The following HOOK3 variants were observed in gnomAD, a reference collection of about 807,000 sequenced individuals.
The protein encoded by HOOK3 is protein Hook homolog 3.
Under a neutral mutation model 116.3 loss-of-function variants are expected in HOOK3, and 24 were observed. The ratio of observed to expected loss-of-function variants is 0.21; its 90% CI spans 0.15 to 0.29. The LOEUF (loss-of-function observed/expected upper bound fraction) is 0.29. Among genes scored for constraint, HOOK3 ranks in the 10% least tolerant of loss-of-function variants. The pLI is 1.00. For missense variants in HOOK3, 632 were observed against 830.2 expected, an observed-to-expected ratio of 0.76 and a Z score of 2.93; for synonymous variants, 275 against 283.0, an observed-to-expected ratio of 0.97 and a Z score of 0.28.
At chr8:42,931,739 C>A (rs753540417) in intron 4 of HOOK3, among the ~76,000 whole-genome samples, 1 of 151,408 alleles carries the variant, frequency 6.6e-6, no homozygotes, top group African/African-American at 2.4e-5. Context: ...CCCTTCCCTT[C>A]CCTCTTCCCT....
chr8:42,939,880 C>T lies in HOOK3; in HGVS notation c.268-3433C>T, dbSNP rs531279452. Reference sequence around the variant, plus strand: ...GCAGAGGCGCTCCCCACATCTCAGACGATGGGCGGCCGGGCAGAGACACTC... The same window carrying T: ...GCAGAGGCGCTCCCCACATCTCAGATGATGGGCGGCCGGGCAGAGACACTC... On this transcript the variant is annotated intron_variant, in intron 4 of 21. Transcript: ENST00000307602. Among the ~76,000 whole-genome samples the T allele has an allele frequency of 2.3e-4, 33 of 146,382 alleles. No individual in the cohort carries two copies. In the East Asian group the frequency reaches 3.4e-3, roughly 15 times the overall value.
chr8:42,903,205 A>C (rs1042387577), intron 1 of HOOK3, among the ~76,000 whole-genome samples: 1 of 152,110 alleles, frequency 6.6e-6, no homozygotes, highest in African/African-American at 2.4e-5. Flanking sequence ...TCCCAAATAG[A>C]CACTTAAGTA....
chr8:43,006,270 T>C (rs1186222738), intron 17 of HOOK3, among the ~76,000 whole-genome samples: 3 of 151,624 alleles, frequency 2.0e-5, no homozygotes, highest in Non-Finnish European at 4.4e-5. Flanking sequence ...TCCGCCTGCC[T>C]CAGCCTCCCA....
At chr8:42,979,960 CTTTTCTTTTTT>C (rs926630560) in intron 13 of HOOK3, among the ~76,000 whole-genome samples, 13 of 148,414 alleles carry the variant, frequency 8.8e-5, no homozygotes, top group Non-Finnish European at 1.9e-4. Context: ...TTTTCTTTTT[CTTTTCTTTTTT>C]TTTTTTTTTG....
intron 15 of HOOK3, among the ~76,000 whole-genome samples, chr8:42,995,060 A>G: frequency 6.6e-6 from 1 of 152,110 alleles, no homozygotes; most frequent in East Asian, 1.9e-4. Context: ...TTGAATGTGG[A>G]TTTTTCAGGT....
chr8:42,964,138 C>T (rs541337581), intron 8 of HOOK3, among the ~76,000 whole-genome samples, 173 bp from the exon 9 acceptor site: 3 of 152,240 alleles, frequency 2.0e-5, no homozygotes, highest in East Asian at 3.9e-4. Context: ...ACCCAGGAGG[C>T]GGAGCTTTCA....
rs892063110 is a variant in HOOK3 at position 42,971,001 on chromosome 8, G to A, written c.1123-2288G>A. Among the ~76,000 whole-genome samples the A allele has an allele frequency of 4.6e-5, 7 of 151,920 alleles. No homozygotes were observed. In the East Asian group the frequency reaches 5.8e-4, roughly 13 times the overall value. On this transcript the variant is annotated intron_variant, in intron 11 of 21. Coordinates refer to ENST00000307602, the MANE Select transcript of HOOK3 (RefSeq NM_032410.4). ...GGGGTTTCTCCATGTTGCCCAGGCC[G>A]GTCTCAAATACCTGGGCTCAAGACA...
chr8:42,944,254 GA>G (rs1164973244), intron 5 of HOOK3, among the ~76,000 whole-genome samples: 49 of 140,332 alleles, frequency 3.5e-4, no homozygotes, highest in Middle Eastern at 3.8e-3. Context: ...ATCTCTACCA[GA>G]AAAAAAAAAA....
At chr8:42,943,182 G>T in intron 4 of HOOK3, 131 bp from the exon 5 acceptor site, 3 of 450,032 alleles carry the variant, frequency 6.7e-6, no homozygotes, top group Non-Finnish European at 1.1e-5. Context: ...AATAGAAATT[G>T]GGAGTGAAAT....
intron 15 of HOOK3, among the ~76,000 whole-genome samples, chr8:42,994,872 A>G (rs1809234717): frequency 1.3e-5 from 2 of 152,250 alleles, no homozygotes; most frequent in South Asian, 4.1e-4. Context: ...TATGATGTTT[A>G]CAATGGCTTC....
rs1809974607 is a variant in HOOK3 at position 43,028,581 on chromosome 8, C to CT, written c.*10085dup. 1 of 188,280 alleles carries CT rather than the reference C, an allele frequency of 5.3e-6. No homozygotes were observed. The highest frequency in any genetic ancestry group is 6.2e-5 in the Admixed American group (1 of 16,156). 11.7% of individuals were successfully genotyped at this position (188,280 alleles called of 1,614,324 possible). A position where few individuals can be genotyped will look rare whatever the true frequency, so the allele number is the denominator to read the frequency against. On this transcript the variant is annotated 3_prime_UTR_variant, in exon 22 of 22. Coordinates refer to ENST00000307602, the MANE Select transcript of HOOK3 (RefSeq NM_032410.4). ...ATCAAGATGCAAACAATTTTTTTAT[C>CT]TTCATAACTTCCTGCTCTTATTAAC...
In HOOK3 at chr8:42,943,445, G is replaced by A; in HGVS notation, c.400G>A (p.Glu134Lys). ...TGCTGTGAACTGTGAACAGAAGCAA[G>A]GTAATTTGTTTCAAGTTAGTGTTTG... ...GCAVNCEQKQ[E>K]YIQAIMMMEE... The change falls in exon 5 of 22, where the codon GAG becomes AAG. Residue 134 changes from glutamate to lysine, a missense_variant and splice_region_variant. Glu to Lys is a moderately conservative substitution (Grantham distance 56). Transcript: ENST00000307602. 1 of 1,436,290 alleles carries A rather than the reference G, an allele frequency of 7.0e-7. No individual in the cohort carries two copies. The highest frequency in any genetic ancestry group is 9.2e-7 in the Non-Finnish European group (1 of 1,085,226). 89.0% of individuals were successfully genotyped at this position (1,436,290 alleles called of 1,614,324 possible). A position where few individuals can be genotyped will look rare whatever the true frequency, so the allele number is the denominator to read the frequency against.
chr8:42,974,145 T>TGAAG lies in HOOK3; in HGVS notation c.1273_1276dup (p.Glu426GlyfsTer38). On this transcript the variant is annotated frameshift_variant, in exon 13 of 22. Coordinates refer to ENST00000307602, the MANE Select transcript of HOOK3 (RefSeq NM_032410.4). LOFTEE classifies it high-confidence loss of function. ...AAAGGGATTCTCTGAAGGAAACCAT[T>TGAAG]GAAGAGCTTCGTTGTGTACAAGCTC... The TGAAG allele has an allele frequency of 6.2e-7, 1 of 1,614,132 alleles. No homozygotes were observed. Among genetic ancestry groups the TGAAG allele is most frequent in the Non-Finnish European group, 8.5e-7 (1 of 1,179,968 alleles).
At chr8:42,925,254 C>A (rs1279944983) in intron 2 of HOOK3, among the ~76,000 whole-genome samples, 1 of 151,820 alleles carries the variant, frequency 6.6e-6, no homozygotes, top group Non-Finnish European at 1.5e-5. Context: ...TGTCCCACCA[C>A]ACCCGGCTAA....
intron 15 of HOOK3, among the ~76,000 whole-genome samples, chr8:42,996,279 A>T (rs1421184035): frequency 1.3e-5 from 2 of 151,274 alleles, no homozygotes; most frequent in Non-Finnish European, 2.9e-5. Flanking sequence ...CCAACTACTC[A>T]GGAGGCTGAG....
chr8:43,002,233 G>A, intron 17 of HOOK3, 92 bp downstream of exon 17: 1 of 890,718 alleles, frequency 1.1e-6, no homozygotes, highest in Non-Finnish European at 1.8e-6. Context: ...CGTTGGCACA[G>A]GTGGCCCTTG....
chr8:42,931,420 C>T (rs1231880190), intron 4 of HOOK3, among the ~76,000 whole-genome samples: 1 of 146,876 alleles, frequency 6.8e-6, no homozygotes, highest in Non-Finnish European at 1.5e-5. Context: ...ATATTCTTCT[C>T]TTCTCTTTTT....
chr8:42,909,002 C>T (rs535049395), intron 2 of HOOK3, among the ~76,000 whole-genome samples: 1 of 152,186 alleles, frequency 6.6e-6, no homozygotes, highest in East Asian at 1.9e-4. Flanking sequence ...GCATGAAGGA[C>T]TTGAATAAAC....
Position 43,020,389 on chromosome 8 carries a change from T to C in HOOK3, c.*1891T>C, listed in dbSNP as rs1308756014. 2 of 192,358 alleles carry C rather than the reference T, an allele frequency of 1.0e-5. No homozygotes were observed. Among genetic ancestry groups the C allele is most frequent in the Non-Finnish European group, 2.2e-5 (2 of 92,086 alleles). The allele number at this position is 192,358 out of a possible 1,614,324, so 11.9% of individuals were successfully genotyped here. A position where few individuals can be genotyped will look rare whatever the true frequency, so the allele number is the denominator to read the frequency against. On this transcript the variant is annotated 3_prime_UTR_variant, in exon 22 of 22. Transcript: ENST00000307602. ...GACGGTTCTTACCTCTACCCGTGTT[T>C]CACAAATAGCCTGAGGATCCAACTA...
Sources: gnomAD v4.1 joint callset for allele counts (sites outside exome capture counted in the v4.1 genomes callset) on GRCh38, gnomAD v4.1.1 for gene constraint, MANE v1.5 for transcripts, NCBI Gene and HGNC (gene_info 2026-07-23, HGNC 2026-07-21) for gene names.